The following EPG5 variants were observed in gnomAD, a reference collection of about 807,000 sequenced individuals.
EPG5 encodes the protein ectopic P granules protein 5 homolog.
A neutral mutation model predicts 302.7 loss-of-function variants in EPG5; 159 were observed. The observed-to-expected ratio is 0.53, with a 90% CI of 0.46 to 0.60. The LOEUF is 0.60. Ranked by LOEUF, EPG5 falls within the 20% of genes least tolerant of loss-of-function variation. The pLI, the probability that EPG5 is intolerant of heterozygous loss-of-function variation, is 0.00. For synonymous variants in EPG5, 1,158 were observed against 1,136.8 expected, an observed-to-expected ratio of 1.02 and a Z score of -0.37; for missense variants, 2,896 against 3,092.4, an observed-to-expected ratio of 0.94 and a Z score of 1.51.
chr18:45,951,094 C>A lies in EPG5; in HGVS notation c.1389+8G>T. On this transcript the variant is annotated splice_region_variant and intron_variant, in intron 4 of 43. Transcript: ENST00000282041. ...CAAAGACTACTGTGTCTATCTCTGT[C>A]CCCTTACCAATTTCTGCAGCCAGAG... The A allele has an allele frequency of 6.4e-7, 1 of 1,565,196 alleles. No individual in the cohort carries two copies. Among genetic ancestry groups the A allele is most frequent in the South Asian group, 1.3e-5 (1 of 79,618 alleles).
the EPG5 span, chr18:45,838,494 T>G: frequency 1.6e-6 from 1 of 638,884 alleles, no homozygotes; most frequent in Non-Finnish European, 2.5e-6. Context: ...TTCAGCAACC[T>G]CTTAAGGCAA....
intron 31 of EPG5, among the ~76,000 whole-genome samples, chr18:45,880,946 T>C (rs1045078139): frequency 6.6e-6 from 1 of 152,198 alleles, no homozygotes; most frequent in Non-Finnish European, 1.5e-5. Flanking sequence ...CACTGGGGTC[T>C]GGATCTTAGG....
At chr18:45,838,732 G>T in the EPG5 span, 3 of 1,578,208 alleles carry the variant, frequency 1.9e-6, no homozygotes, top group Non-Finnish European at 2.6e-6. Flanking sequence ...GCCGCGGATC[G>T]TCAACATCTC....
At chr18:45,909,863 G>A (rs1302771912) in intron 23 of EPG5, among the ~76,000 whole-genome samples, 5 of 152,206 alleles carry the variant, frequency 3.3e-5, no homozygotes, top group African/African-American at 9.7e-5. Flanking sequence ...GGAGGATCAC[G>A]TGAGCCCAGG....
At chr18:45,857,337 C>A (rs2048537053) in intron 42 of EPG5, among the ~76,000 whole-genome samples, 1 of 152,130 alleles carries the variant, frequency 6.6e-6, no homozygotes, top group Admixed American at 6.5e-5. Flanking sequence ...TCTCGAACTC[C>A]TGACCTCAAG....
chr18:45,902,996 A>G (rs2049655991), intron 25 of EPG5, among the ~76,000 whole-genome samples: 2 of 152,248 alleles, frequency 1.3e-5, no homozygotes, highest in Admixed American at 1.3e-4. Context: ...ATAAATTACT[A>G]GCTTAACTCC....
rs1376168473 is a variant in EPG5, at chr18:45,878,989, C to G, written c.5869+24G>C. On this transcript the variant is annotated intron_variant, in intron 33 of 43. Coordinates refer to ENST00000282041, the MANE Select transcript of EPG5 (RefSeq NM_020964.3). Reference sequence around the variant, plus strand: ...AATGGAAAGTCCAAACACCTAGCTCCACATCGCATGAGAAGTATATTACCT... The same window carrying G: ...AATGGAAAGTCCAAACACCTAGCTCGACATCGCATGAGAAGTATATTACCT... The G allele has an allele frequency of 1.9e-6, 3 of 1,600,396 alleles. No individual in the cohort carries two copies. In the African/African-American group the frequency reaches 4.0e-5, roughly 21 times the overall value.
At chr18:45,894,105 A>G (rs1184422486) in intron 27 of EPG5, among the ~76,000 whole-genome samples, 3 of 152,194 alleles carry the variant, frequency 2.0e-5, no homozygotes, top group Non-Finnish European at 4.4e-5. Flanking sequence ...AAGTTGTAAC[A>G]CAGCCTAATG....
At chr18:45,827,272 C>T in the EPG5 span, among the ~76,000 whole-genome samples, 2 of 152,154 alleles carry the variant, frequency 1.3e-5, no homozygotes, top group Non-Finnish European at 2.9e-5. Context: ...GAACATGGGG[C>T]CCAGAGGGGC....
At chr18:45,805,018 C>T in the EPG5 span, among the ~76,000 whole-genome samples, 1 of 152,006 alleles carries the variant, frequency 6.6e-6, no homozygotes, top group African/African-American at 2.4e-5. Context: ...AAACTCAAAT[C>T]AGATTATAAA....
intron 23 of EPG5, among the ~76,000 whole-genome samples, chr18:45,909,749 A>C (rs767371641): frequency 1.3e-5 from 2 of 152,144 alleles, no homozygotes; most frequent in Non-Finnish European, 2.9e-5. Flanking sequence ...CCCGTGAAGG[A>C]TCTATGAACC....
chr18:45,830,146 C>T, the EPG5 span, among the ~76,000 whole-genome samples: 3 of 152,262 alleles, frequency 2.0e-5, no homozygotes, highest in Non-Finnish European at 2.9e-5. Context: ...CACAGAGGTT[C>T]CCGTGCAAAT....
At chr18:45,928,844 A>C (rs2050334468) in intron 13 of EPG5, 25 bp downstream of exon 13, 5 of 1,593,302 alleles carry the variant, frequency 3.1e-6, no homozygotes, top group Non-Finnish European at 4.3e-6. Context: ...GAAAAAACAA[A>C]AACAAACAAA....
chr18:45,934,762 C>T, intron 11 of EPG5, 47 bp downstream of exon 11: 1 of 1,553,318 alleles, frequency 6.4e-7, no homozygotes, highest in African/African-American at 1.4e-5. Context: ...AAGAGAAGCA[C>T]AAAAAGATAG....
At chr18:45,941,309 G>A (rs56159632) in intron 9 of EPG5, among the ~76,000 whole-genome samples, 8,284 of 152,244 alleles carry the variant, frequency 0.054, 276 homozygotes, top group South Asian at 0.14. Context: ...TGTAAGCTGC[G>A]TGAGAGATGC....
chr18:45,831,093 T>C, the EPG5 span, among the ~76,000 whole-genome samples: 1 of 152,184 alleles, frequency 6.6e-6, no homozygotes, highest in Non-Finnish European at 1.5e-5. Flanking sequence ...GAGCTAGGGC[T>C]GGAGCCCCGG....
chr18:45,889,561 C>T (rs1207881074), intron 28 of EPG5, among the ~76,000 whole-genome samples: 1 of 152,148 alleles, frequency 6.6e-6, no homozygotes, highest in Non-Finnish European at 1.5e-5. Flanking sequence ...CTCAATCCTT[C>T]TGCTGCAGCA....
At position 45,870,716 on chromosome 18, in the gene EPG5, C is replaced by T. The variant is rs750831983; in HGVS notation, c.6076G>A (p.Ala2026Thr). ...KDKLLPGDAGALWLHLMHYCE... is the reference protein window; with the variant it reads ...KDKLLPGDAGTLWLHLMHYCE... The stretch of plus-strand genomic sequence containing the variant: ...TAATGCATCAGGTGCAACCAAAGGG[C>T]TCCTGCATCACCTGGCAACAGCTTA... The change falls in exon 36 of 44, where the codon GCC becomes ACC. Residue 2026 changes from alanine to threonine, a missense_variant. Physicochemically the swap from Ala to Thr is moderately conservative, Grantham distance 58 (BLOSUM62 0). Coordinates refer to ENST00000282041, the MANE Select transcript of EPG5 (RefSeq NM_020964.3). The T allele has an allele frequency of 4.4e-6, 7 of 1,609,074 alleles. No individual in the cohort carries two copies. The highest frequency in any genetic ancestry group is 5.9e-6 in the Non-Finnish European group (7 of 1,177,070).
At chr18:45,852,704 G>T in intron 43 of EPG5, 55 bp from the exon 44 acceptor site, 2 of 1,464,576 alleles carry the variant, frequency 1.4e-6, no homozygotes. Flanking sequence ...TAATGTGACT[G>T]CCAGAGGTAC....
Sources: gnomAD v4.1 joint callset for allele counts (sites outside exome capture counted in the v4.1 genomes callset) on GRCh38, gnomAD v4.1.1 for gene constraint, MANE v1.5 for transcripts, NCBI Gene and HGNC (gene_info 2026-07-23, HGNC 2026-07-21) for gene names.